KIAA0513: variants seen among roughly 807,000 people sequenced by gnomAD.
KIAA0513 encodes the protein uncharacterized protein KIAA0513.
In KIAA0513, 39 loss-of-function variants were observed where a neutral mutation model predicts 56.5. That is an observed-to-expected ratio of 0.69 (90% CI 0.53 to 0.90). The LOEUF (loss-of-function observed/expected upper bound fraction) is 0.90, where lower values mean the gene tolerates loss of function less well. Ranked by LOEUF, KIAA0513 falls within the 40% of genes least tolerant of loss-of-function variation. The pLI, the probability that KIAA0513 is intolerant of heterozygous loss-of-function variation, is 0.00. For missense variants in KIAA0513, 591 were observed against 535.2 expected (o/e 1.10, Z -1.03); for synonymous variants, 268 against 215.6 (o/e 1.24, Z -2.13).
intron 1 of KIAA0513, among the ~76,000 whole-genome samples, chr16:85,032,725 G>A (rs979086612): frequency 1.3e-5 from 2 of 150,262 alleles, no homozygotes; most frequent in South Asian, 2.1e-4. Flanking sequence ...CCGCCTCCCG[G>A]GTTCACACCA....
chr16:85,048,236 A>C (rs1369741536), intron 1 of KIAA0513, among the ~76,000 whole-genome samples: 1 of 152,130 alleles, frequency 6.6e-6, no homozygotes, highest in Non-Finnish European at 1.5e-5. Context: ...CAGAGGGAGG[A>C]GGGAAGCCCT....
chr16:85,059,183 A>G (rs1269284413), intron 1 of KIAA0513, among the ~76,000 whole-genome samples: 1 of 152,260 alleles, frequency 6.6e-6, no homozygotes, highest in African/African-American at 2.4e-5. Flanking sequence ...ATAGGGTGTC[A>G]TCAAAAGACA....
chr16:85,035,444 C>T (rs1187523962), intron 1 of KIAA0513, among the ~76,000 whole-genome samples: 4 of 152,168 alleles, frequency 2.6e-5, no homozygotes, highest in Non-Finnish European at 5.9e-5. Flanking sequence ...AGTCTTTTAG[C>T]GTCAGAATCT....
At chr16:85,073,222 G>A (rs2073605585) in intron 4 of KIAA0513, among the ~76,000 whole-genome samples, 1 of 152,196 alleles carries the variant, frequency 6.6e-6, no homozygotes, top group Non-Finnish European at 1.5e-5. Context: ...GAATGAGAGG[G>A]CTGCCGCTGC....
Position 85,066,913 on chromosome 16 carries a change from A to C in KIAA0513, c.-159A>C. On this transcript the variant is annotated 5_prime_UTR_variant, in exon 2 of 13. Coordinates refer to ENST00000683363, the MANE Select transcript of KIAA0513 (RefSeq NM_001388359.1). ...TTTCCATTCTAGATGCCGTAGGGCC[A>C]GGTGAGCTGCTGTGAAGGACTCATT... The C allele has an allele frequency of 1.8e-6, 1 of 561,654 alleles. No individual in the cohort carries two copies. The allele number at this position is 561,654 out of a possible 1,614,324, so 34.8% of individuals were successfully genotyped here. A position where few individuals can be genotyped will look rare whatever the true frequency, so the allele number is the denominator to read the frequency against.
intron 11 of KIAA0513, 112 bp downstream of exon 11, chr16:85,086,836 G>GA: frequency 9.7e-7 from 1 of 1,034,674 alleles, no homozygotes; most frequent in African/African-American, 1.6e-5. Flanking sequence ...CTGAGGCATG[G>GA]GGTTCATCAC....
At chr16:85,052,080 G>A (rs1398403244) in intron 1 of KIAA0513, among the ~76,000 whole-genome samples, 7 of 152,124 alleles carry the variant, frequency 4.6e-5, no homozygotes, top group Non-Finnish European at 1.0e-4. Flanking sequence ...CCAGCACTTT[G>A]GGAGGCCAAG....
intron 9 of KIAA0513, 99 bp from the exon 10 acceptor site, chr16:85,082,465 C>T: frequency 8.6e-7 from 1 of 1,157,142 alleles, no homozygotes; most frequent in Non-Finnish European, 1.3e-6. Context: ...CCGTTTCTGC[C>T]TGTAATAACC....
intron 10 of KIAA0513, among the ~76,000 whole-genome samples, chr16:85,083,750 C>T (rs1439729890): frequency 6.6e-6 from 1 of 152,256 alleles, no homozygotes; most frequent in Non-Finnish European, 1.5e-5. Flanking sequence ...GCCCCTGAGC[C>T]TTCCCCAGAA....
At chr16:85,051,789 G>A (rs12923299) in intron 1 of KIAA0513, among the ~76,000 whole-genome samples, 61,202 of 151,282 alleles carry the variant, frequency 0.4, 13,896 homozygotes, top group African/African-American at 0.62. Flanking sequence ...TGCTCTCCAG[G>A]TTCTTGGTAG....
chr16:85,074,709 A>G (rs2073631546), intron 4 of KIAA0513, among the ~76,000 whole-genome samples: 1 of 152,166 alleles, frequency 6.6e-6, no homozygotes, highest in Non-Finnish European at 1.5e-5. Flanking sequence ...GTGAGCCCTC[A>G]CCTTTGGCCA....
rs1443016315 is a variant in KIAA0513 at position 85,076,927 on chromosome 16, G to A, written c.575-498G>A. ...GGGCCTTTGACCTATAGTGGGCACT[G>A]AGGCCCGTGGGGGTGCCTCATCCTG... On this transcript the variant is annotated intron_variant, in intron 5 of 12. Transcript: ENST00000683363. This position sits in a 1 kb window ranked among gnomAD's most constrained non-coding sequence, Gnocchi z 4.7. Among the ~76,000 whole-genome samples the A allele has an allele frequency of 1.3e-5, 2 of 152,216 alleles. No homozygotes were observed. The highest frequency in any genetic ancestry group is 1.3e-4 in the Admixed American group (2 of 15,288).
At position 85,081,418 on chromosome 16, in the gene KIAA0513, G is replaced by A. The variant is rs776355277; in HGVS notation, c.980+26G>A. On this transcript the variant is annotated intron_variant, in intron 9 of 12. Transcript: ENST00000683363. This position sits in a 1 kb window ranked among gnomAD's most constrained non-coding sequence, Gnocchi z 4.4. ...GTAGGAGCAAAGTGTGGCCCCATTT[G>A]GCCTCAGGAAAAAGGACCAGGGAGT... The A allele has an allele frequency of 3.9e-6, 6 of 1,548,130 alleles. No individual in the cohort carries two copies. The South Asian group carries it at 5.9e-5, about 15-fold the overall frequency.
chr16:85,080,224 C>G (rs573262860), intron 8 of KIAA0513, among the ~76,000 whole-genome samples: 3 of 152,316 alleles, frequency 2.0e-5, no homozygotes, highest in South Asian at 2.1e-4. Context: ...TCTGGTGATT[C>G]AGCTCAGCTC....
intron 1 of KIAA0513, among the ~76,000 whole-genome samples, chr16:85,062,032 C>T (rs942014023): frequency 6.6e-6 from 1 of 152,144 alleles, no homozygotes; most frequent in Non-Finnish European, 1.5e-5. Flanking sequence ...CTCCCTCTTT[C>T]CATCTCAGCT....
At position 85,081,737 on chromosome 16, in the gene KIAA0513, C is replaced by T. The variant is rs2144088364; in HGVS notation, c.980+345C>T. 6.6e-6 allele frequency among the ~76,000 whole-genome samples: 1 copy of T among 152,332 alleles called. No homozygotes were observed. The highest frequency in any genetic ancestry group is 6.5e-5 in the Admixed American group (1 of 15,306). ...GCATCCTGAGGATGAACGCTTGGAG[C>T]AGGGTCCTGGGAGGAAGGGCTGGCC... On this transcript the variant is annotated intron_variant, in intron 9 of 12. Transcript: ENST00000683363. This position sits in a 1 kb window ranked among gnomAD's most constrained non-coding sequence, Gnocchi z 4.4.
intron 10 of KIAA0513, among the ~76,000 whole-genome samples, chr16:85,084,726 G>A (rs2073789423): frequency 1.3e-5 from 2 of 150,868 alleles, no homozygotes; most frequent in South Asian, 4.1e-4. Flanking sequence ...ACTGCGCCCG[G>A]CCTAATTTTT....
chr16:85,077,118 G>T (rs564362668), intron 5 of KIAA0513, among the ~76,000 whole-genome samples: 1 of 152,288 alleles, frequency 6.6e-6, no homozygotes, highest in Admixed American at 6.5e-5. Context: ...TCGGGCCTCT[G>T]CCCTCGCCTG....
intron 1 of KIAA0513, among the ~76,000 whole-genome samples, chr16:85,048,027 C>G (rs1450827491): frequency 6.6e-6 from 1 of 152,076 alleles, no homozygotes; most frequent in Non-Finnish European, 1.5e-5. Flanking sequence ...GAAACCAGAA[C>G]CATAAGGAAA....
Sources: allele counts gnomAD v4.1 joint callset (sites outside exome capture counted in the v4.1 genomes callset), GRCh38; gene constraint gnomAD v4.1.1; non-coding constraint Gnocchi (gnomAD v3.1); transcripts MANE v1.5; gene names NCBI Gene and HGNC (gene_info 2026-07-23, HGNC 2026-07-21).